Variants in TUBA4A observed in about 807,000 individuals in gnomAD.
TUBA4A encodes tubulin alpha 4a.
A neutral mutation model predicts 34.3 loss-of-function variants in TUBA4A; 23 were observed. The observed-to-expected ratio is 0.67, with a 90% confidence interval of 0.48 to 0.95. The LOEUF (loss-of-function observed/expected upper bound fraction) is 0.95. Among genes scored for constraint, TUBA4A ranks in the 40% least tolerant of loss-of-function variants. The pLI is 0.00. For synonymous variants in TUBA4A, 216 were observed against 230.5 expected (o/e 0.94, Z 0.57); for missense variants, 279 against 599.0 (o/e 0.47, Z 5.58).
At chr2:219,253,262 C>A (rs1287876667) in intron 1 of TUBA4A, 2 of 1,493,284 alleles carry the variant, frequency 1.3e-6, no homozygotes, top group African/African-American at 1.4e-5. Context: ...CATCCGCGCA[C>A]CCGGGCTTCG....
chr2:219,253,942 C>T, upstream of TUBA4A: 1 of 1,017,240 alleles, frequency 9.8e-7, no homozygotes, highest in South Asian at 3.3e-5. Flanking sequence ...CCGCACCGCC[C>T]TTATAGGCGG....
In TUBA4A at chr2:219,251,554, C is replaced by A. The variant is rs1206134430; in HGVS notation, c.375+11G>T. The stretch of plus-strand genomic sequence containing the variant: ...CTCAAAAGTTCCCTCCCTCCCAAGA[C>A]ACACTCTCACCAGCTTGCGGATCCG... On this transcript the variant is annotated intron_variant, in intron 3 of 3. Coordinates refer to ENST00000248437, the MANE Select transcript of TUBA4A (RefSeq NM_006000.3). The surrounding 1 kb of genome is among the most constrained non-coding windows in gnomAD (Gnocchi z 6.1). The A allele has an allele frequency of 2.5e-6, 4 of 1,611,492 alleles. No individual in the cohort carries two copies. The Middle Eastern group carries it at 6.6e-4, about 265-fold the overall frequency.
Position 219,250,745 on chromosome 2 carries a change from C to T in TUBA4A, c.954G>A (p.Leu318=), listed in dbSNP as rs980115702. The change falls in exon 4 of 4, where the codon CTG becomes CTA. Residue 318 remains leucine (L), a synonymous_variant. Transcript: ENST00000248437. This position sits in a 1 kb window ranked among gnomAD's most constrained non-coding sequence, Gnocchi z 8.4. ...CCTTGGGCACCACATCTCCACGGTA[C>T]AGCAGGCAGCAGGCCATGTACTTGC... ...RHGKYMACCL[L]YRGDVVPKDV... is the part of the protein sequence containing the mutation. 2.5e-6 allele frequency: 4 copies of T among 1,614,118 alleles called. No individual in the cohort carries two copies. Among genetic ancestry groups the T allele is most frequent in the Non-Finnish European group, 3.4e-6 (4 of 1,180,056 alleles).
chr2:219,253,849 C>T lies in TUBA4A; in HGVS notation c.3+7G>A. 1 of 1,505,054 alleles carries T rather than the reference C, an allele frequency of 6.6e-7. No homozygotes were observed. Among genetic ancestry groups the T allele is most frequent in the Non-Finnish European group, 8.8e-7 (1 of 1,131,282 alleles). 93.2% of individuals were successfully genotyped at this position (1,505,054 alleles called of 1,614,324 possible). A position where few individuals can be genotyped will look rare whatever the true frequency, so the allele number is the denominator to read the frequency against. ...GACAGGCGCGACCCCGGCCGGGCCG[C>T]ACTCACCATGGTGAGTCCGGGCGGT... is the stretch of plus-strand genomic sequence containing the variant. On this transcript the variant is annotated splice_region_variant and intron_variant, in intron 1 of 3. Coordinates refer to ENST00000248437, the MANE Select transcript of TUBA4A (RefSeq NM_006000.3).
In TUBA4A at chr2:219,251,994, C is replaced by G; in HGVS notation, c.226+14G>C. 1 of 1,613,292 alleles carries G rather than the reference C, an allele frequency of 6.2e-7. No homozygotes were observed. The highest frequency in any genetic ancestry group is 8.5e-7 in the Non-Finnish European group (1 of 1,179,310). Reference sequence around the variant, plus strand: ...TGCTCCACCCCCTTCAATTTTGTCCCCACTTCCTCTCACCAATGACCGTAG... The same window carrying G: ...TGCTCCACCCCCTTCAATTTTGTCCGCACTTCCTCTCACCAATGACCGTAG... On this transcript the variant is annotated intron_variant, in intron 2 of 3. Coordinates refer to ENST00000248437, the MANE Select transcript of TUBA4A (RefSeq NM_006000.3). The surrounding 1 kb of genome is among the most constrained non-coding windows in gnomAD (Gnocchi z 6.1).
Position 219,251,696 on chromosome 2 carries a change from G to A in TUBA4A, c.244C>T (p.Pro82Ser), listed in dbSNP as rs755609946. The A allele has an allele frequency of 6.2e-7, 1 of 1,613,780 alleles. No homozygotes were observed. Among genetic ancestry groups the A allele is most frequent in the Non-Finnish European group, 8.5e-7 (1 of 1,179,814 alleles). Residue 82 changes from proline to serine, a missense_variant, in exon 3 of 4, where the codon CCA becomes TCA. Pro to Ser is a moderately conservative substitution (Grantham distance 74, BLOSUM62 -1). Coordinates refer to ENST00000248437, the MANE Select transcript of TUBA4A (RefSeq NM_006000.3). This position sits in a 1 kb window ranked among gnomAD's most constrained non-coding sequence, Gnocchi z 6.1. ...TCTGGGTGGAAGAGCTGTCGGTATG[G>A]GCCATTTCGGATCTCATCTGGAAGG... Reference protein sequence around the residue: ...PTVIDEIRNGPYRQLFHPEQL... With the variant: ...PTVIDEIRNGSYRQLFHPEQL...
rs1226767646 is a variant in TUBA4A, at chr2:219,250,658, G to A, written c.1041C>T (p.Cys347=). The change falls in exon 4 of 4, where the codon TGC becomes TGT. Residue 347 remains cysteine (C), a synonymous_variant. Coordinates refer to ENST00000248437, the MANE Select transcript of TUBA4A (RefSeq NM_006000.3). The surrounding 1 kb of genome is among the most constrained non-coding windows in gnomAD (Gnocchi z 8.4). ...TGATACCAACCTTGAAGCCTGTGGG[G>A]CACCAGTCCACAAACTGAATGCTGC... ...TKRSIQFVDW[C]PTGFKVGINY... The A allele has an allele frequency of 6.2e-7, 1 of 1,614,136 alleles. No homozygotes were observed. Among genetic ancestry groups the A allele is most frequent in the Non-Finnish European group, 8.5e-7 (1 of 1,180,052 alleles).
intron 1 of TUBA4A, 127 bp downstream of exon 1, chr2:219,253,728 CA>C: frequency 8.5e-7 from 1 of 1,179,940 alleles, no homozygotes; most frequent in South Asian, 1.5e-5. Context: ...AGGGAGGATG[CA>C]AAACCCTCGC....
At position 219,251,385 on chromosome 2, in the gene TUBA4A, C is replaced by T. The variant is rs1951644867; in HGVS notation, c.376-62G>A. The T allele has an allele frequency of 1.9e-6, 3 of 1,546,580 alleles. No homozygotes were observed. The highest frequency in any genetic ancestry group is 2.0e-5 in the Admixed American group (1 of 51,272). ...GGGAGGGGCCTGAGGGACTCTATCA[C>T]CTGGCTCCATAAAGCGTAAGATACA... On this transcript the variant is annotated intron_variant, in intron 3 of 3. Coordinates refer to ENST00000248437, the MANE Select transcript of TUBA4A (RefSeq NM_006000.3). This position sits in a 1 kb window ranked among gnomAD's most constrained non-coding sequence, Gnocchi z 6.1.
At position 219,251,508 on chromosome 2, in the gene TUBA4A, A is replaced by G. The variant is rs1951647042; in HGVS notation, c.375+57T>C. The G allele has an allele frequency of 5.1e-6, 8 of 1,577,594 alleles. 1 individual carries two copies. The South Asian group carries it at 8.1e-5, about 16-fold the overall frequency. ...CTCCTGAAAGGATCTGAAAAAAAATATTCCTGACCATTAGCACAGTCTCAA... is the reference window on the plus strand; with the variant it reads ...CTCCTGAAAGGATCTGAAAAAAAATGTTCCTGACCATTAGCACAGTCTCAA... On this transcript the variant is annotated intron_variant, in intron 3 of 3. Transcript: ENST00000248437. The surrounding 1 kb of genome is among the most constrained non-coding windows in gnomAD (Gnocchi z 6.1).
At chr2:219,253,407 G>T (rs775075391) in intron 1 of TUBA4A, 43 of 1,529,702 alleles carry the variant, frequency 2.8e-5, no homozygotes, top group Non-Finnish European at 3.5e-5. Context: ...AGGAAAGGGG[G>T]ATGCGGCACC....
Position 219,250,281 on chromosome 2 carries a change from C to T in TUBA4A, c.*71G>A. On this transcript the variant is annotated 3_prime_UTR_variant, in exon 4 of 4. Transcript: ENST00000248437. The surrounding 1 kb of genome is among the most constrained non-coding windows in gnomAD (Gnocchi z 8.4). ...TCAAGCACTCAGAGGGAACAAGAAA[C>T]CGTGCAAGGAAACTGTTTATTTCGA... 4.5e-6 allele frequency: 7 copies of T among 1,539,732 alleles called. No individual in the cohort carries two copies. Among genetic ancestry groups the T allele is most frequent in the Non-Finnish European group, 6.1e-6 (7 of 1,143,540 alleles).
In TUBA4A at chr2:219,251,111, C is replaced by T. The variant is rs777080257; in HGVS notation, c.588G>A (p.Glu196=). ...CCACCATGAAGGCACAGTCTGAGTGCTCCAGGGTGGTGTGGGTGGTCAGGA... is the reference window on the plus strand; with the variant it reads ...CCACCATGAAGGCACAGTCTGAGTGTTCCAGGGTGGTGTGGGTGGTCAGGA... ...NSILTTHTTL[E]HSDCAFMVDN... is the part of the protein sequence containing the mutation. The change falls in exon 4 of 4, where the codon GAG becomes GAA. Residue 196 remains glutamate, a synonymous_variant. Transcript: ENST00000248437. This position sits in a 1 kb window ranked among gnomAD's most constrained non-coding sequence, Gnocchi z 6.1. 6.2e-6 allele frequency: 10 copies of T among 1,614,216 alleles called. No homozygotes were observed. In the Admixed American group the frequency reaches 8.3e-5, roughly 13 times the overall value.
At position 219,251,341 on chromosome 2, in the gene TUBA4A, G is replaced by T; in HGVS notation, c.376-18C>A. On this transcript the variant is annotated intron_variant, in intron 3 of 3. Transcript: ENST00000248437. The surrounding 1 kb of genome is among the most constrained non-coding windows in gnomAD (Gnocchi z 6.1). ...TGGTCAGACTGAAAGGCAAGAACGA[G>T]AAAGAACAGTTTAGGTAGGGGAGGG... The T allele has an allele frequency of 1.3e-6, 2 of 1,585,656 alleles. No homozygotes were observed. The highest frequency in any genetic ancestry group is 8.6e-7 in the Non-Finnish European group (1 of 1,164,072).
Position 219,253,861 on chromosome 2 carries a change from T to TGA in TUBA4A, c.-5_-4dup. 6.8e-7 allele frequency: 1 copy of TGA among 1,479,192 alleles called. No homozygotes were observed. Among genetic ancestry groups the TGA allele is most frequent in the Non-Finnish European group, 8.9e-7 (1 of 1,117,988 alleles). The allele number at this position is 1,479,192 out of a possible 1,614,324, so 91.6% of individuals were successfully genotyped here. A position where few individuals can be genotyped will look rare whatever the true frequency, so the allele number is the denominator to read the frequency against. On this transcript the variant is annotated 5_prime_UTR_variant, in exon 1 of 4. Coordinates refer to ENST00000248437, the MANE Select transcript of TUBA4A (RefSeq NM_006000.3). ...CCCGGCCGGGCCGCACTCACCATGG[T>TGA]GAGTCCGGGCGGTGCGTCTCACGTT...
At chr2:219,254,297 A>G (rs1951697550), upstream of TUBA4A, 1 of 158,192 alleles carries the variant, frequency 6.3e-6, no homozygotes, top group Non-Finnish European at 1.4e-5. Context: ...GTCCTTCCCA[A>G]GCGGCCACAG....
intron 1 of TUBA4A, chr2:219,253,405 G>A (rs1179138801): frequency 1.3e-6 from 2 of 1,531,322 alleles, no homozygotes; most frequent in Non-Finnish European, 8.8e-7. Context: ...AGAGGAAAGG[G>A]GGATGCGGCA....
At position 219,250,594 on chromosome 2, in the gene TUBA4A, C is replaced by A; in HGVS notation, c.1105G>T (p.Ala369Ser). ...PPTVVPGGDL[A>S]KVQRAVCMLS... is the part of the protein sequence containing the mutation. The stretch of plus-strand genomic sequence containing the variant: ...ATGCACACGGCACGCTGCACCTTGG[C>A]CAGGTCACCCCCAGGCACCACAGTG... The change falls in exon 4 of 4, where the codon GCC becomes TCC. Residue 369 changes from alanine (A) to serine (S), a missense_variant. Coordinates refer to ENST00000248437, the MANE Select transcript of TUBA4A (RefSeq NM_006000.3). This position sits in a 1 kb window ranked among gnomAD's most constrained non-coding sequence, Gnocchi z 8.4. 3 of 1,614,224 alleles carry A rather than the reference C, an allele frequency of 1.9e-6. No individual in the cohort carries two copies. The highest frequency in any genetic ancestry group is 2.5e-6 in the Non-Finnish European group (3 of 1,180,038).
chr2:219,253,890 T>A lies in TUBA4A; in HGVS notation c.-32A>T, dbSNP rs546010501. On this transcript the variant is annotated 5_prime_UTR_variant, in exon 1 of 4. Transcript: ENST00000248437. Reference sequence around the variant, plus strand: ...TCCGGGCGGTGCGTCTCACGTTGAGTCGGGGTGACAGGTCTCAGTGAGAAC... The same window carrying A: ...TCCGGGCGGTGCGTCTCACGTTGAGACGGGGTGACAGGTCTCAGTGAGAAC... The A allele has an allele frequency of 7.0e-7, 1 of 1,425,028 alleles. No homozygotes were observed. Among genetic ancestry groups the A allele is most frequent in the Admixed American group, 3.2e-5 (1 of 31,346 alleles). 88.3% of individuals were successfully genotyped at this position (1,425,028 alleles called of 1,614,324 possible). A position where few individuals can be genotyped will look rare whatever the true frequency, so the allele number is the denominator to read the frequency against.
Sources: allele counts gnomAD v4.1 joint callset, GRCh38; gene constraint gnomAD v4.1.1; non-coding constraint Gnocchi (gnomAD v3.1); transcripts MANE v1.5; gene names NCBI Gene and HGNC (gene_info 2026-07-23, HGNC 2026-07-21).